The following GJB7 variants were observed in gnomAD, a reference collection of about 807,000 sequenced individuals.
GJB7 encodes gap junction beta-7 protein.
For missense variants in GJB7, 253 were observed against 256.8 expected, an observed-to-expected ratio of 0.99 and a Z score of 0.10; for synonymous variants, 87 against 95.2, an observed-to-expected ratio of 0.91 and a Z score of 0.50.
intron 2 of GJB7, among the ~76,000 whole-genome samples, chr6:87,316,812 AT>A (rs1776591158): frequency 2.0e-5 from 3 of 152,096 alleles, no homozygotes; most frequent in Admixed American, 2.0e-4. Context: ...CTCATGTTCC[AT>A]TTTATTATCC....
intron 2 of GJB7, among the ~76,000 whole-genome samples, chr6:87,316,288 G>A (rs77255639): frequency 1.3e-5 from 2 of 152,142 alleles, no homozygotes; most frequent in East Asian, 3.8e-4. Flanking sequence ...ATCTCTGCAA[G>A]AGCTCAGGAT....
At chr6:87,318,883 A>AT (rs1047086417) in intron 2 of GJB7, among the ~76,000 whole-genome samples, 9 of 152,234 alleles carry the variant, frequency 5.9e-5, no homozygotes, top group African/African-American at 2.2e-4. Context: ...TTATGTTATT[A>AT]TTTTTTAAAA....
At chr6:87,304,580 A>C (rs561235979) in intron 2 of GJB7, among the ~76,000 whole-genome samples, 1 of 152,308 alleles carries the variant, frequency 6.6e-6, no homozygotes, top group African/African-American at 2.4e-5. Context: ...ATTCACAGCC[A>C]AATTCTACCA....
chr6:87,317,571 G>C (rs146847092), intron 2 of GJB7, among the ~76,000 whole-genome samples: 3 of 151,642 alleles, frequency 2.0e-5, no homozygotes, highest in Admixed American at 2.0e-4. Context: ...CTGGGATTAC[G>C]GGCACGCGCC....
At chr6:87,289,057 G>C (rs957060135) in intron 2 of GJB7, among the ~76,000 whole-genome samples, 1 of 152,112 alleles carries the variant, frequency 6.6e-6, no homozygotes, top group African/African-American at 2.4e-5. Flanking sequence ...CCTGTGTAGT[G>C]GTGCCCATGC....
In GJB7 at chr6:87,325,085, A is replaced by G. The variant is rs139361681; in HGVS notation, c.-205-2042T>C. On this transcript the variant is annotated intron_variant, in intron 1 of 2. Coordinates refer to ENST00000525899, the MANE Select transcript of GJB7 (RefSeq NM_198568.3). ...GGCTCTCTGTTTGTTGCTGGTGTAT[A>G]AGAATGCTTGTGATTTTTGTACATT... 5.9e-4 allele frequency among the ~76,000 whole-genome samples: 90 copies of G among 152,234 alleles called. 1 individual carries two copies. Among genetic ancestry groups the G allele is most frequent in the African/African-American group, 2.1e-3 (89 of 41,508 alleles).
chr6:87,303,005 T>C (rs1451694667), intron 2 of GJB7, among the ~76,000 whole-genome samples: 8 of 152,082 alleles, frequency 5.3e-5, no homozygotes, highest in Non-Finnish European at 8.8e-5. Context: ...CCAGGCCTGC[T>C]CTACAAGAGC....
At chr6:87,324,063 A>G (rs547658033) in intron 1 of GJB7, among the ~76,000 whole-genome samples, 1 of 151,234 alleles carries the variant, frequency 6.6e-6, no homozygotes, top group South Asian at 2.1e-4. Flanking sequence ...TTGGCTGCAT[A>G]AATGTCTTCT....
intron 2 of GJB7, among the ~76,000 whole-genome samples, chr6:87,308,715 C>T (rs755248672): frequency 4.6e-5 from 7 of 151,622 alleles, no homozygotes; most frequent in Non-Finnish European, 1.0e-4. Context: ...TTATGAATCC[C>T]AAGGAGGATT....
intron 1 of GJB7, among the ~76,000 whole-genome samples, chr6:87,326,838 C>T (rs573495540): frequency 4.2e-4 from 51 of 120,806 alleles, no homozygotes; most frequent in African/African-American, 1.6e-3. Flanking sequence ...CTTTCTGTCT[C>T]GTTGATCTGT....
chr6:87,294,696 A>G (rs1776224700), intron 2 of GJB7, among the ~76,000 whole-genome samples: 1 of 152,250 alleles, frequency 6.6e-6, no homozygotes, highest in African/African-American at 2.4e-5. Context: ...TAGGTCTAAA[A>G]GACAGTGACC....
intron 2 of GJB7, among the ~76,000 whole-genome samples, chr6:87,293,438 GGTTTTTGTTTT>G (rs1776207991): frequency 1.3e-5 from 2 of 151,938 alleles, no homozygotes; most frequent in African/African-American, 4.8e-5. Context: ...TTGTTTTCTG[GGTTTTTGTTTT>G]GTTTTTGTTT....
At chr6:87,320,894 G>A (rs1776647658) in intron 2 of GJB7, among the ~76,000 whole-genome samples, 1 of 152,128 alleles carries the variant, frequency 6.6e-6, no homozygotes, top group African/African-American at 2.4e-5. Flanking sequence ...TCTCTTATCA[G>A]ACCTTAAAAG....
chr6:87,299,483 T>C (rs1776290725), intron 2 of GJB7: 3 of 406,240 alleles, frequency 7.4e-6, no homozygotes, highest in South Asian at 4.1e-5. Flanking sequence ...GCCTATGTTG[T>C]ATTGAATGAA....
intron 2 of GJB7, among the ~76,000 whole-genome samples, chr6:87,305,133 T>C (rs1776403630): frequency 6.6e-6 from 1 of 152,204 alleles, no homozygotes; most frequent in African/African-American, 2.4e-5. Flanking sequence ...GTTTGCCCTC[T>C]CTCACCACTC....
At chr6:87,322,159 A>C (rs1214138629) in intron 2 of GJB7, 1 of 152,222 alleles carries the variant, frequency 6.6e-6, no homozygotes, top group Admixed American at 6.5e-5. Flanking sequence ...TGGACTCTCA[A>C]GGCCCTAACG....
intron 1 of GJB7, among the ~76,000 whole-genome samples, chr6:87,326,089 A>G (rs1345569670): frequency 6.6e-6 from 1 of 152,090 alleles, no homozygotes; most frequent in Admixed American, 6.6e-5. Flanking sequence ...GGTAGTTTGT[A>G]TTTCTGTGGG....
At chr6:87,314,949 T>A (rs1401332655) in intron 2 of GJB7, among the ~76,000 whole-genome samples, 1 of 152,118 alleles carries the variant, frequency 6.6e-6, no homozygotes, top group Non-Finnish European at 1.5e-5. Context: ...ATAATAAACT[T>A]TTTTTAGGTA....
chr6:87,302,675 G>T (rs1776352373), intron 2 of GJB7, among the ~76,000 whole-genome samples: 1 of 152,138 alleles, frequency 6.6e-6, no homozygotes, highest in Admixed American at 6.5e-5. Context: ...GAAATACAGA[G>T]AATGCCACAA....
Sources: allele counts gnomAD v4.1 joint callset (sites outside exome capture counted in the v4.1 genomes callset), GRCh38; gene constraint gnomAD v4.1.1; transcripts MANE v1.5; gene names NCBI Gene and HGNC (gene_info 2026-07-23, HGNC 2026-07-21).